Variants in PTPRZ1 observed in about 807,000 individuals in gnomAD.
The protein encoded by PTPRZ1 is receptor-type tyrosine-protein phosphatase zeta.
In PTPRZ1, 82 loss-of-function variants were observed where a neutral mutation model predicts 214.1. The ratio of observed to expected loss-of-function variants is 0.38; its 90% CI spans 0.32 to 0.46. PTPRZ1 has a LOEUF of 0.46. Among genes scored for constraint, PTPRZ1 ranks in the 20% least tolerant of loss-of-function variants. The pLI is 1.00. For synonymous variants in PTPRZ1, 945 were observed against 987.9 expected, an observed-to-expected ratio of 0.96 and a Z score of 0.81; for missense variants, 2,603 against 2,748.7, an observed-to-expected ratio of 0.95 and a Z score of 1.19.
At chr7:122,034,404 G>A (rs758497309) in intron 17 of PTPRZ1, 26 bp downstream of exon 17, 2 of 1,597,298 alleles carry the variant, frequency 1.3e-6, no homozygotes, top group Non-Finnish European at 1.7e-6. Flanking sequence ...AATCAGCTCT[G>A]ACTTCAATAT....
chr7:121,880,113 A>C (rs1794190836), intron 1 of PTPRZ1, among the ~76,000 whole-genome samples: 1 of 152,174 alleles, frequency 6.6e-6, no homozygotes, highest in Non-Finnish European at 1.5e-5. Flanking sequence ...TTTTTGCCTA[A>C]ATATTCCAGT....
chr7:121,923,696 T>TG (rs1247117836), intron 1 of PTPRZ1, among the ~76,000 whole-genome samples: 14 of 79,674 alleles, frequency 1.8e-4, no homozygotes, highest in African/African-American at 1.5e-3. Flanking sequence ...GATTTTAACT[T>TG]GGTGGGGGGG....
At chr7:121,887,727 A>C (rs1351180063) in intron 1 of PTPRZ1, among the ~76,000 whole-genome samples, 1 of 152,168 alleles carries the variant, frequency 6.6e-6, no homozygotes, top group African/African-American at 2.4e-5. Flanking sequence ...CTTTATTCTA[A>C]GTAGCGGTGG....
At chr7:121,941,132 G>A (rs948340409) in intron 2 of PTPRZ1, among the ~76,000 whole-genome samples, 1 of 152,204 alleles carries the variant, frequency 6.6e-6, no homozygotes, top group African/African-American at 2.4e-5. Context: ...TGTTCAGAAT[G>A]TAGTACCTCA....
chr7:121,961,944 C>T (rs1362346018), intron 2 of PTPRZ1, among the ~76,000 whole-genome samples: 1 of 152,166 alleles, frequency 6.6e-6, no homozygotes, highest in Non-Finnish European at 1.5e-5. Context: ...CTGCTGTCCT[C>T]TTTATGTGTT....
intron 1 of PTPRZ1, among the ~76,000 whole-genome samples, chr7:121,876,550 G>A (rs895146333): frequency 4.2e-5 from 4 of 95,500 alleles, no homozygotes; most frequent in Admixed American, 1.9e-4. Flanking sequence ...TGGTTATAGA[G>A]TCTGAAATTC....
chr7:121,998,763 A>G (rs934461825), intron 10 of PTPRZ1, among the ~76,000 whole-genome samples: 1 of 152,184 alleles, frequency 6.6e-6, no homozygotes, highest in African/African-American at 2.4e-5. Flanking sequence ...ATGTATATAT[A>G]CATATGTATA....
chr7:121,990,613 G>C (rs1388853659), intron 8 of PTPRZ1, among the ~76,000 whole-genome samples: 1 of 143,652 alleles, frequency 7.0e-6, no homozygotes, highest in South Asian at 2.2e-4. Context: ...TCTACCTCCT[G>C]GGTTCAAGCG....
At chr7:122,043,485 T>C (rs533890236) in intron 22 of PTPRZ1, among the ~76,000 whole-genome samples, 62 of 152,266 alleles carry the variant, frequency 4.1e-4, no homozygotes, top group African/African-American at 1.3e-3. Flanking sequence ...GACAGAACAG[T>C]GTCAGCAAAT....
intron 1 of PTPRZ1, among the ~76,000 whole-genome samples, chr7:121,927,035 T>A (rs1326857171): frequency 1.3e-5 from 2 of 152,224 alleles, no homozygotes; most frequent in African/African-American, 2.4e-5. Flanking sequence ...CATGTTGTAA[T>A]AATCAGATAG....
At chr7:122,045,705 C>CACACAA (rs1799873042) in intron 23 of PTPRZ1, among the ~76,000 whole-genome samples, 4 of 151,764 alleles carry the variant, frequency 2.6e-5, no homozygotes, top group Admixed American at 6.6e-5. Context: ...CACACACACA[C>CACACAA]ACACACACAA....
chr7:121,881,691 T>C (rs1017179398), intron 1 of PTPRZ1, among the ~76,000 whole-genome samples: 6 of 152,208 alleles, frequency 3.9e-5, no homozygotes, highest in African/African-American at 1.4e-4. Context: ...AGGAGGAGTA[T>C]GCTCTATGGT....
intron 4 of PTPRZ1, 66 bp from the exon 5 acceptor site, chr7:121,976,107 G>A (rs1293836533): frequency 1.8e-6 from 2 of 1,096,656 alleles, no homozygotes; most frequent in Admixed American, 1.9e-5. Context: ...TTAGAATGTA[G>A]AATTCTCTTT....
At chr7:122,014,821 A>AT (rs1303948488) in intron 12 of PTPRZ1, among the ~76,000 whole-genome samples, 3 of 152,098 alleles carry the variant, frequency 2.0e-5, no homozygotes, top group Non-Finnish European at 2.9e-5. Flanking sequence ...AAAAATTTTA[A>AT]TTTTTTTGTC....
At chr7:122,036,788 T>C (rs1799556681) in intron 18 of PTPRZ1, 106 bp downstream of exon 18, 2 of 691,836 alleles carry the variant, frequency 2.9e-6, no homozygotes, top group South Asian at 4.7e-5. Context: ...GTCATGTTAT[T>C]CGATAGAGAA....
chr7:121,988,026 G>T (rs1273329134), intron 8 of PTPRZ1, among the ~76,000 whole-genome samples: 1 of 152,134 alleles, frequency 6.6e-6, no homozygotes, highest in Non-Finnish European at 1.5e-5. Flanking sequence ...CGAGAGAGTG[G>T]AGAGGTGGGT....
chr7:121,998,089 A>C, intron 10 of PTPRZ1, 83 bp downstream of exon 10: 1 of 1,442,610 alleles, frequency 6.9e-7, no homozygotes. Flanking sequence ...CTTTCTCTCT[A>C]TATTCTTTTG....
chr7:122,050,276 C>T (rs752269546), intron 23 of PTPRZ1, among the ~76,000 whole-genome samples: 1 of 151,532 alleles, frequency 6.6e-6, no homozygotes, highest in Admixed American at 6.6e-5. Flanking sequence ...AACCCCTTCT[C>T]TATAAAAAAT....
At chr7:121,965,120 T>G (rs1437056574) in intron 2 of PTPRZ1, among the ~76,000 whole-genome samples, 2 of 152,168 alleles carry the variant, frequency 1.3e-5, no homozygotes, top group Non-Finnish European at 2.9e-5. Context: ...GCATAACAAA[T>G]TACTACAAAT....
Sources: gnomAD v4.1 joint callset for allele counts (sites outside exome capture counted in the v4.1 genomes callset) on GRCh38, gnomAD v4.1.1 for gene constraint, MANE v1.5 for transcripts, NCBI Gene and HGNC (gene_info 2026-07-23, HGNC 2026-07-21) for gene names.